FAM107B: variants seen among roughly 807,000 people sequenced by gnomAD.
FAM107B encodes the protein protein FAM107B.
FAM107B carries 21 observed loss-of-function variants against 31.5 expected under a neutral mutation model. That is an observed-to-expected ratio of 0.67 (90% CI 0.47 to 0.96). The LOEUF is 0.96. FAM107B is among the 40% of genes least tolerant of loss of function. The pLI, the probability that FAM107B is intolerant of heterozygous loss-of-function variation, is 0.00. For synonymous variants in FAM107B, 157 were observed against 141.5 expected, an observed-to-expected ratio of 1.11 and a Z score of -0.78; for missense variants, 452 against 377.1, an observed-to-expected ratio of 1.20 and a Z score of -1.64.
intron 2 of FAM107B, chr10:14,653,733 A>T (rs1195283647): frequency 6.6e-6 from 1 of 152,224 alleles, no homozygotes; most frequent in Non-Finnish European, 1.5e-5. Context: ...TCTTATACAC[A>T]GTAAAATGTA....
intron 1 of FAM107B, among the ~76,000 whole-genome samples, chr10:14,675,516 C>T (rs1564622087): frequency 6.6e-6 from 1 of 152,116 alleles, no homozygotes; most frequent in Non-Finnish European, 1.5e-5. Flanking sequence ...TGCAACAAGC[C>T]TATGACCGAT....
intron 2 of FAM107B, among the ~76,000 whole-genome samples, chr10:14,587,267 A>G (rs1275969075): frequency 6.6e-6 from 1 of 152,188 alleles, no homozygotes; most frequent in Non-Finnish European, 1.5e-5. Flanking sequence ...CATACATCTG[A>G]AAAAAGCCTG....
chr10:14,621,605 T>C (rs7100719), intron 2 of FAM107B, among the ~76,000 whole-genome samples: 13,185 of 152,256 alleles, frequency 0.087, 1,226 homozygotes, highest in African/African-American at 0.23. Context: ...TTAGTCAGGC[T>C]GCAATTCTAT....
intron 2 of FAM107B, among the ~76,000 whole-genome samples, chr10:14,621,219 A>T (rs1268543405): frequency 1.3e-5 from 2 of 152,190 alleles, no homozygotes; most frequent in Admixed American, 6.5e-5. Context: ...GCATGTCCAC[A>T]GCCAGTGAGG....
At chr10:14,553,214 A>T in intron 2 of FAM107B, 1 of 381,254 alleles carries the variant, frequency 2.6e-6, no homozygotes, top group Non-Finnish European at 4.1e-6. Flanking sequence ...AATACAAATT[A>T]AAGATGACTT....
At chr10:14,640,457 A>G (rs1210313608) in intron 2 of FAM107B, among the ~76,000 whole-genome samples, 1 of 152,228 alleles carries the variant, frequency 6.6e-6, no homozygotes, top group Non-Finnish European at 1.5e-5. Context: ...TCTCTCAAGG[A>G]AAGTTCCCAT....
intron 1 of FAM107B, among the ~76,000 whole-genome samples, chr10:14,751,620 G>C (rs1288828170): frequency 6.6e-6 from 1 of 151,922 alleles, no homozygotes; most frequent in Non-Finnish European, 1.5e-5. Context: ...CTCCAACTCA[G>C]CTTCCCAAAG....
chr10:14,757,318 GAAA>G lies in FAM107B; in HGVS notation c.411+16932_411+16934del, dbSNP rs71993133. ...TTCACAATAAATATTTTTGCTGACT[GAAA>G]AAAAAAAAAAAAGACTGCAGTGTCC... On this transcript the variant is annotated intron_variant, in intron 1 of 4. Transcript: ENST00000181796. 2.8e-3 allele frequency among the ~76,000 whole-genome samples: 368 copies of G among 132,184 alleles called. 4 individuals are homozygous for G. The South Asian group carries it at 0.032, about 12-fold the overall frequency. 86.7% of individuals were successfully genotyped at this position (132,184 alleles called of 152,430 possible).
At chr10:14,759,861 A>G (rs1167458000) in intron 1 of FAM107B, among the ~76,000 whole-genome samples, 1 of 151,936 alleles carries the variant, frequency 6.6e-6, no homozygotes, top group Admixed American at 6.6e-5. Context: ...ACAGGTGCCC[A>G]CCAGCATGTC....
At chr10:14,744,277 G>A (rs188079408) in intron 1 of FAM107B, among the ~76,000 whole-genome samples, 1 of 152,098 alleles carries the variant, frequency 6.6e-6, no homozygotes, top group Non-Finnish European at 1.5e-5. Flanking sequence ...TTAGATATAG[G>A]ATCATGTCAT....
intron 2 of FAM107B, chr10:14,604,151 T>TG: frequency 1.8e-6 from 1 of 570,148 alleles, no homozygotes. Flanking sequence ...GCCGAGAGGG[T>TG]CCCCGGAGCC....
intron 2 of FAM107B, among the ~76,000 whole-genome samples, chr10:14,641,714 C>A (rs1853632796): frequency 6.6e-6 from 1 of 152,198 alleles, no homozygotes; most frequent in African/African-American, 2.4e-5. Flanking sequence ...TCTTTTAAAT[C>A]TCCCAAATGC....
intron 2 of FAM107B, among the ~76,000 whole-genome samples, chr10:14,652,335 G>C (rs1184494475): frequency 2.0e-5 from 3 of 152,124 alleles, no homozygotes; most frequent in African/African-American, 7.2e-5. Flanking sequence ...AACTCACTAA[G>C]TCAGAAAGAT....
intron 2 of FAM107B, among the ~76,000 whole-genome samples, chr10:14,533,983 T>C (rs1374776760): frequency 2.0e-5 from 3 of 152,180 alleles, no homozygotes; most frequent in Non-Finnish European, 2.9e-5. Flanking sequence ...GAAGTGCGTG[T>C]AGTGCATTTA....
At chr10:14,726,741 C>T (rs76108156) in intron 1 of FAM107B, among the ~76,000 whole-genome samples, 3 of 152,102 alleles carry the variant, frequency 2.0e-5, no homozygotes, top group African/African-American at 2.4e-5. Context: ...TGCCTTCCCC[C>T]CTAAAGAGTC....
At chr10:14,685,010 T>C (rs755538075) in intron 1 of FAM107B, among the ~76,000 whole-genome samples, 1 of 152,050 alleles carries the variant, frequency 6.6e-6, no homozygotes, top group African/African-American at 2.4e-5. Context: ...TTTAAATTAT[T>C]TGTAGACATG....
chr10:14,521,755 T>C (rs1588453969), intron 4 of FAM107B, 114 bp downstream of exon 4: 4 of 1,423,092 alleles, frequency 2.8e-6, no homozygotes, highest in African/African-American at 2.9e-5. Context: ...CCAATATTTC[T>C]TTCATGGTAT....
At chr10:14,570,798 T>C (rs932012560) in intron 2 of FAM107B, among the ~76,000 whole-genome samples, 48 of 61,874 alleles carry the variant, frequency 7.8e-4, no homozygotes, top group African/African-American at 1.9e-3. Flanking sequence ...TGAGACTCCA[T>C]CTCAAAAAAA....
chr10:14,647,428 C>T (rs2131441786), intron 2 of FAM107B, among the ~76,000 whole-genome samples: 1 of 152,178 alleles, frequency 6.6e-6, no homozygotes, highest in Non-Finnish European at 1.5e-5. Context: ...CCTGTAGTCC[C>T]AGCACTTTGG....
Sources: gnomAD v4.1 joint callset for allele counts (sites outside exome capture counted in the v4.1 genomes callset) on GRCh38, gnomAD v4.1.1 for gene constraint, MANE v1.5 for transcripts, NCBI Gene and HGNC (gene_info 2026-07-23, HGNC 2026-07-21) for gene names.